STXBP4: variants seen among roughly 807,000 people sequenced by gnomAD.
STXBP4 encodes the protein syntaxin-binding protein 4.
A neutral mutation model predicts 76.1 loss-of-function variants in STXBP4; 55 were observed. The ratio of observed to expected loss-of-function variants is 0.72; its 90% CI spans 0.58 to 0.91. The LOEUF is 0.91. Ranked by LOEUF, STXBP4 falls within the 40% of genes least tolerant of loss-of-function variation. STXBP4 has a pLI of 0.00. For synonymous variants in STXBP4, 201 were observed against 220.2 expected, an observed-to-expected ratio of 0.91 and a Z score of 0.77; for missense variants, 618 against 636.9, an observed-to-expected ratio of 0.97 and a Z score of 0.32.
At position 55,052,952 on chromosome 17, in the gene STXBP4, G is replaced by GT. The variant is rs1567739310; in HGVS notation, c.1011+5798_1011+5799insT. The stretch of plus-strand genomic sequence containing the variant: ...GTGTGTGTGTGTGTGTGTGTGTGTG[G>GT]GTTGTATTCTTTAGAAATGTCAATG... On this transcript the variant is annotated intron_variant, in intron 12 of 17. Transcript: ENST00000376352. Among the ~76,000 whole-genome samples the GT allele has an allele frequency of 3.6e-3, 456 of 126,988 alleles. 6 individuals are homozygous for GT. The highest frequency in any genetic ancestry group is 0.013 in the African/African-American group (409 of 32,092). The allele number at this position is 126,988 out of a possible 152,430, so 83.3% of individuals were successfully genotyped here.
In STXBP4 at chr17:55,078,162, G is replaced by A; in HGVS notation, c.1273G>A (p.Ala425Thr). 3 of 1,611,358 alleles carry A rather than the reference G, an allele frequency of 1.9e-6. No homozygotes were observed. Among genetic ancestry groups the A allele is most frequent in the Non-Finnish European group, 2.5e-6 (3 of 1,178,726 alleles). Residue 425 changes from alanine (A) to threonine (T), a missense_variant, in exon 14 of 18, where the codon GCA (alanine) becomes ACA (threonine). Transcript: ENST00000376352. ...AGAAATGGCTCGAAAAACTTTTGAGGCATCCACTGAAAAGCTTCTTCATTT... is the reference window on the plus strand; with the variant it reads ...AGAAATGGCTCGAAAAACTTTTGAGACATCCACTGAAAAGCTTCTTCATTT... ...KSEMARKTFE[A>T]STEKLLHFVE...
intron 10 of STXBP4, among the ~76,000 whole-genome samples, 171 bp downstream of exon 10, chr17:55,034,430 T>C (rs1567729693): frequency 6.6e-6 from 1 of 152,138 alleles, no homozygotes. Flanking sequence ...CATCCTGATA[T>C]TCATTCTCCT....
chr17:55,136,352 G>T (rs771745192), intron 16 of STXBP4, among the ~76,000 whole-genome samples: 11 of 152,026 alleles, frequency 7.2e-5, no homozygotes, highest in Non-Finnish European at 1.3e-4. Context: ...GTTTGAGCTG[G>T]CTTCTACTGG....
At chr17:55,120,617 A>C (rs1358431430) in intron 16 of STXBP4, among the ~76,000 whole-genome samples, 2 of 152,218 alleles carry the variant, frequency 1.3e-5, no homozygotes. Flanking sequence ...GAGCCTGGAG[A>C]AATCACAAAA....
intron 16 of STXBP4, among the ~76,000 whole-genome samples, chr17:55,114,727 T>C (rs2079761396): frequency 6.6e-6 from 1 of 151,968 alleles, no homozygotes; most frequent in Non-Finnish European, 1.5e-5. Context: ...TCAAGTAGCA[T>C]CAAGGCTGAA....
intron 16 of STXBP4, among the ~76,000 whole-genome samples, chr17:55,105,975 G>A (rs1337155123): frequency 6.6e-6 from 1 of 152,128 alleles, no homozygotes; most frequent in African/African-American, 2.4e-5. Context: ...TGTTAGGTCT[G>A]CTTAGTCCAG....
Position 55,075,122 on chromosome 17 carries a change from G to A in STXBP4, c.1188+2046G>A, listed in dbSNP as rs118096348. 3.2e-3 allele frequency among the ~76,000 whole-genome samples: 481 copies of A among 151,868 alleles called. 12 individuals carry two copies. The highest frequency in any genetic ancestry group is 0.025 in the East Asian group (131 of 5,168). On this transcript the variant is annotated intron_variant, in intron 13 of 17. Coordinates refer to ENST00000376352, the MANE Select transcript of STXBP4 (RefSeq NM_178509.6). The stretch of plus-strand genomic sequence containing the variant: ...TTACTAGTACCTTTGAAGACCCACA[G>A]TGTTTCTCTCCAATTGCATCTCCCA...
rs2080408368 is a variant in STXBP4 at position 55,171,836 on chromosome 17, C to T, written c.*11925C>T. ...CAGCTGACACCTTGACCTTGGACTT[C>T]TAGCCTCCAAACTGTGAGACAATAC... On this transcript the variant is annotated 3_prime_UTR_variant, in exon 18 of 18. Transcript: ENST00000376352. 1 of 152,216 alleles carries T rather than the reference C, an allele frequency of 6.6e-6. No homozygotes were observed. Among genetic ancestry groups the T allele is most frequent in the African/African-American group, 2.4e-5 (1 of 41,464 alleles). 9.4% of individuals were successfully genotyped at this position (152,216 alleles called of 1,614,324 possible).
At position 55,069,641 on chromosome 17, in the gene STXBP4, A is replaced by G. The variant is rs116974630; in HGVS notation, c.1012-3259A>G. On this transcript the variant is annotated intron_variant, in intron 12 of 17. Transcript: ENST00000376352. ...AGAACTTTGCTAAGGGGTCACATTC[A>G]CCAACCTGACAGTTACACATTTACA... 3.1e-3 allele frequency among the ~76,000 whole-genome samples: 477 copies of G among 152,284 alleles called. 12 individuals carry two copies. The highest frequency in any genetic ancestry group is 0.025 in the East Asian group (128 of 5,186).
chr17:55,119,145 T>TA (rs2079816109), intron 16 of STXBP4, among the ~76,000 whole-genome samples: 2 of 151,996 alleles, frequency 1.3e-5, no homozygotes, highest in Admixed American at 6.6e-5. Flanking sequence ...ATTCTCGCTA[T>TA]AAAGCACATT....
chr17:55,126,084 A>G (rs2079908682), intron 16 of STXBP4, among the ~76,000 whole-genome samples: 1 of 152,192 alleles, frequency 6.6e-6, no homozygotes, highest in Non-Finnish European at 1.5e-5. Flanking sequence ...GAGTCCAACC[A>G]ACTAAATGAC....
intron 12 of STXBP4, among the ~76,000 whole-genome samples, chr17:55,068,543 C>T (rs887297551): frequency 5.3e-5 from 8 of 152,042 alleles, no homozygotes; most frequent in Non-Finnish European, 1.0e-4. Flanking sequence ...AATTTTGTTT[C>T]CAAACAACTC....
chr17:55,109,064 TAAAG>T (rs1025884990), intron 16 of STXBP4, among the ~76,000 whole-genome samples: 1 of 152,164 alleles, frequency 6.6e-6, no homozygotes, highest in African/African-American at 2.4e-5. Context: ...CTAATGCAAA[TAAAG>T]GTATTTCAAT....
intron 1 of STXBP4, among the ~76,000 whole-genome samples, chr17:54,971,732 GTCT>G (rs1350881663): frequency 6.6e-6 from 1 of 152,092 alleles, no homozygotes; most frequent in Non-Finnish European, 1.5e-5. Context: ...TGCCTCTTCA[GTCT>G]TCTTCAATCT....
rs991080548 is a variant in STXBP4, at chr17:54,985,662, G to A, written c.-108G>A. On this transcript the variant is annotated 5_prime_UTR_variant, in exon 2 of 18. Transcript: ENST00000376352. The stretch of plus-strand genomic sequence containing the variant: ...GAATAATATTAGTCAGAGTAATATA[G>A]GATCTGCAGGAAGTGTCTCAAGATA... The A allele has an allele frequency of 2.0e-5, 3 of 152,328 alleles. No individual in the cohort carries two copies. Among genetic ancestry groups the A allele is most frequent in the African/African-American group, 7.2e-5 (3 of 41,452 alleles). 9.4% of individuals were successfully genotyped at this position (152,328 alleles called of 1,614,324 possible).
At chr17:54,978,230 C>T (rs948421769) in intron 1 of STXBP4, among the ~76,000 whole-genome samples, 17 of 152,124 alleles carry the variant, frequency 1.1e-4, no homozygotes, top group East Asian at 7.7e-4. Flanking sequence ...ATTTTGACAT[C>T]GTACATATGA....
chr17:55,081,310 T>C, intron 16 of STXBP4, 127 bp downstream of exon 16: 1 of 614,844 alleles, frequency 1.6e-6, no homozygotes, highest in Non-Finnish European at 2.5e-6. Flanking sequence ...AATAAAAATA[T>C]TAATGTACCA....
chr17:55,152,712 C>T (rs909103757), intron 17 of STXBP4, among the ~76,000 whole-genome samples: 3 of 152,118 alleles, frequency 2.0e-5, no homozygotes, highest in African/African-American at 7.2e-5. Context: ...CATCCAATCA[C>T]CTCCCTCCCT....
At position 55,143,028 on chromosome 17, in the gene STXBP4, T is replaced by G. The variant is rs374899629; in HGVS notation, c.1547+1661T>G. Among the ~76,000 whole-genome samples, 222 of 152,324 alleles carry G rather than the reference T, an allele frequency of 1.5e-3. 7 individuals carry two copies. In the South Asian group the frequency reaches 0.045, roughly 31 times the overall value. Reference sequence around the variant, plus strand: ...AATGCATTCAAATCTGTGTTGCATTTCTTTCTTTCTCTCTTTTTGATATTA... The same window carrying G: ...AATGCATTCAAATCTGTGTTGCATTGCTTTCTTTCTCTCTTTTTGATATTA... On this transcript the variant is annotated intron_variant, in intron 17 of 17. Coordinates refer to ENST00000376352, the MANE Select transcript of STXBP4 (RefSeq NM_178509.6).
Sources: gnomAD v4.1 joint callset for allele counts (sites outside exome capture counted in the v4.1 genomes callset) on GRCh38, gnomAD v4.1.1 for gene constraint, MANE v1.5 for transcripts, NCBI Gene and HGNC (gene_info 2026-07-23, HGNC 2026-07-21) for gene names.